Variants in FBLN1 observed in about 807,000 individuals in gnomAD.
FBLN1 encodes the protein fibulin 1.
FBLN1 carries 34 observed loss-of-function variants against 89.7 expected under a neutral mutation model. That is an observed-to-expected ratio of 0.38 (90% CI 0.29 to 0.50). FBLN1 has a LOEUF of 0.50. FBLN1 is among the 20% of genes least tolerant of loss of function. The probability of loss-of-function intolerance (pLI) is 0.92; values close to 1 mark genes in which losing one functional copy is unlikely to be tolerated. For synonymous variants in FBLN1, 393 were observed against 391.3 expected (o/e 1.00, Z -0.05); for missense variants, 777 against 988.1 (o/e 0.79, Z 2.86).
Position 45,600,802 on chromosome 22 carries a change from C to T in FBLN1, c.*356C>T, listed in dbSNP as rs915131409. 9 of 349,154 alleles carry T rather than the reference C, an allele frequency of 2.6e-5. No individual in the cohort carries two copies. Among genetic ancestry groups the T allele is most frequent in the Non-Finnish European group, 3.8e-5 (7 of 185,362 alleles). The allele number at this position is 349,154 out of a possible 1,614,324, so 21.6% of individuals were successfully genotyped here. On this transcript the variant is annotated 3_prime_UTR_variant, in exon 17 of 17. Coordinates refer to ENST00000327858, the MANE Select transcript of FBLN1 (RefSeq NM_006486.3). ...ATGCCAAAAGAAGACCAGTTCTTGC[C>T]CTGATTGTATGAAATTTGACATTTT...
At chr22:45,571,354 T>C (rs946368217) in intron 14 of FBLN1, among the ~76,000 whole-genome samples, 4 of 152,228 alleles carry the variant, frequency 2.6e-5, no homozygotes, top group African/African-American at 7.2e-5. Context: ...TAAACTATTA[T>C]GACCATGCAA....
Position 45,543,542 on chromosome 22 carries a change from C to T in FBLN1, c.1321+16C>T, listed in dbSNP as rs778458730. On this transcript the variant is annotated intron_variant, in intron 11 of 16. Transcript: ENST00000327858. ...TCATGTGAAGGTGAGGCTGGGGCCC[C>T]GTCCACTCACCTCCCCCAGGTCACC... is the stretch of plus-strand genomic sequence containing the variant. 1.4e-5 allele frequency: 22 copies of T among 1,611,334 alleles called. No individual in the cohort carries two copies. Among genetic ancestry groups the T allele is most frequent in the African/African-American group, 2.7e-5 (2 of 74,882 alleles).
rs736767 is a variant in FBLN1, at chr22:45,563,979, G to A, written c.1698-10532G>A. ...TGAGGATCCTGGCCCTGTGCCGGGG[G>A]GAGGCAAAGGACCACACAATACATG... On this transcript the variant is annotated intron_variant, in intron 14 of 16. Coordinates refer to ENST00000327858, the MANE Select transcript of FBLN1 (RefSeq NM_006486.3). This position sits in a 1 kb window ranked among gnomAD's most constrained non-coding sequence, Gnocchi z 5.7. Among the ~76,000 whole-genome samples, 1 of 152,106 alleles carries A rather than the reference G, an allele frequency of 6.6e-6. No homozygotes were observed. Among genetic ancestry groups the A allele is most frequent in the Admixed American group, 6.5e-5 (1 of 15,282 alleles).
At chr22:45,554,104 G>A (rs1369948837) in intron 14 of FBLN1, among the ~76,000 whole-genome samples, 1 of 152,256 alleles carries the variant, frequency 6.6e-6, no homozygotes, top group South Asian at 2.1e-4. Context: ...CTATCAGCAA[G>A]TTCTGCATCC....
chr22:45,594,777 G>A (rs1486596893), intron 16 of FBLN1, among the ~76,000 whole-genome samples: 1 of 151,740 alleles, frequency 6.6e-6, no homozygotes, highest in Non-Finnish European at 1.5e-5. Context: ...TGAGCAGATG[G>A]TTGGGTTGAT....
In FBLN1 at chr22:45,559,001, G is replaced by T. The variant is rs1033211570; in HGVS notation, c.1697+8386G>T. ...CTTGCAGAAGCGAAATGCGATCAAG[G>T]TCTCTCCGAATAAGATTATGACATG... is the stretch of plus-strand genomic sequence containing the variant. On this transcript the variant is annotated intron_variant, in intron 14 of 16. Coordinates refer to ENST00000327858, the MANE Select transcript of FBLN1 (RefSeq NM_006486.3). 5.3e-5 allele frequency among the ~76,000 whole-genome samples: 8 copies of T among 152,310 alleles called. No individual in the cohort carries two copies. The East Asian group carries it at 7.7e-4, about 15-fold the overall frequency.
At chr22:45,587,273 AGAGACGTCCT>A (rs1358951639) in intron 16 of FBLN1, among the ~76,000 whole-genome samples, 4 of 148,784 alleles carry the variant, frequency 2.7e-5, no homozygotes, top group African/African-American at 7.5e-5. Flanking sequence ...GCCCGGCCAG[AGAGACGTCCT>A]CAGCCCAGAG....
At chr22:45,565,312 C>T in intron 14 of FBLN1, 1 of 1,267,750 alleles carries the variant, frequency 7.9e-7, no homozygotes, top group Non-Finnish European at 1.0e-6. Context: ...CTGATCTGGC[C>T]TCTGCCCACC....
chr22:45,595,427 T>C (rs183150005), intron 16 of FBLN1, among the ~76,000 whole-genome samples: 2 of 152,318 alleles, frequency 1.3e-5, no homozygotes, highest in African/African-American at 4.8e-5. Context: ...GCAAAGAACC[T>C]GAGAAAATCC....
chr22:45,588,833 T>A lies in FBLN1; in HGVS notation c.1973-11474T>A, dbSNP rs147268442. Among the ~76,000 whole-genome samples the A allele has an allele frequency of 2.6e-3, 372 of 143,012 alleles. 2 individuals are homozygous for A. Among genetic ancestry groups the A allele is most frequent in the African/African-American group, 9.2e-3 (345 of 37,522 alleles). The allele number at this position is 143,012 out of a possible 152,430, so 93.8% of individuals were successfully genotyped here. A position where few individuals can be genotyped will look rare whatever the true frequency, so the allele number is the denominator to read the frequency against. ...ATTAGCAAAAAAAAAAAAAAAGGAATGACGATGATATGAATCTTTTGGCGG... is the reference window on the plus strand; with the variant it reads ...ATTAGCAAAAAAAAAAAAAAAGGAAAGACGATGATATGAATCTTTTGGCGG... On this transcript the variant is annotated intron_variant, in intron 16 of 16. Coordinates refer to ENST00000327858, the MANE Select transcript of FBLN1 (RefSeq NM_006486.3). This position sits in a 1 kb window ranked among gnomAD's most constrained non-coding sequence, Gnocchi z 5.1.
intron 2 of FBLN1, 81 bp from the exon 3 acceptor site, chr22:45,525,462 A>T: frequency 7.7e-7 from 1 of 1,302,158 alleles, no homozygotes; most frequent in Non-Finnish European, 1.1e-6. Flanking sequence ...CTCAAAGGTG[A>T]GAGCACCCCC....
intron 2 of FBLN1, among the ~76,000 whole-genome samples, chr22:45,522,791 G>C (rs535751740): frequency 6.6e-6 from 1 of 152,348 alleles, no homozygotes; most frequent in Admixed American, 6.5e-5. Flanking sequence ...GACACATCCA[G>C]TGAAACCTAA....
chr22:45,566,086 CCT>C, intron 14 of FBLN1: 1 of 152,502 alleles, frequency 6.6e-6, no homozygotes, highest in East Asian at 1.9e-4. Flanking sequence ...AAAATTGTCT[CCT>C]CTGTTTAGCC....
At chr22:45,587,668 C>T (rs1267721667) in intron 16 of FBLN1, among the ~76,000 whole-genome samples, 6 of 152,296 alleles carry the variant, frequency 3.9e-5, no homozygotes, top group Admixed American at 6.5e-5. Flanking sequence ...TCTGCAGAGC[C>T]GCTTGCATCT....
At chr22:45,546,994 AGAG>A (rs576733050) in intron 11 of FBLN1, 88 bp from the exon 12 acceptor site, 452 of 1,589,812 alleles carry the variant, frequency 2.8e-4, no homozygotes, top group East Asian at 4.5e-4. Flanking sequence ...AGGGAGGTGG[AGAG>A]GAGATTTTCT....
rs139206212 is a variant in FBLN1 at position 45,536,614 on chromosome 22, A to T, written c.922+1277A>T. Among the ~76,000 whole-genome samples the T allele has an allele frequency of 8.1e-3, 1,229 of 151,992 alleles. 21 individuals carry two copies. The highest frequency in any genetic ancestry group is 0.029 in the African/African-American group (1,183 of 41,428). The stretch of plus-strand genomic sequence containing the variant: ...ACCCCATCTCTACTAAAAATACAAA[A>T]ATTAGCTGGGCGTAGTGATGGGCGC... On this transcript the variant is annotated intron_variant, in intron 8 of 16. Coordinates refer to ENST00000327858, the MANE Select transcript of FBLN1 (RefSeq NM_006486.3). This position sits in a 1 kb window ranked among gnomAD's most constrained non-coding sequence, Gnocchi z 5.1.
rs778458224 is a variant in FBLN1 at position 45,532,696 on chromosome 22, G to A, written c.545-367G>A. Among the ~76,000 whole-genome samples the A allele has an allele frequency of 4.1e-4, 62 of 152,144 alleles. 1 individual carries two copies. Among genetic ancestry groups the A allele is most frequent in the Admixed American group, 8.5e-4 (13 of 15,282 alleles). ...CAGCTCGAGAGTTCAGTGAGGAGCA[G>A]GTACATGAGGCCTAGTTGGGGCCTG... On this transcript the variant is annotated intron_variant, in intron 5 of 16. Transcript: ENST00000327858. This position sits in a 1 kb window ranked among gnomAD's most constrained non-coding sequence, Gnocchi z 4.2.
chr22:45,568,843 T>G (rs1569260463), intron 14 of FBLN1, among the ~76,000 whole-genome samples: 1 of 151,904 alleles, frequency 6.6e-6, no homozygotes, highest in Non-Finnish European at 1.5e-5. Context: ...ATGCCTCTTC[T>G]GTGGGAGAAT....
chr22:45,585,130 C>T (rs1324685730), intron 16 of FBLN1, among the ~76,000 whole-genome samples: 3 of 152,246 alleles, frequency 2.0e-5, no homozygotes, highest in East Asian at 3.9e-4. Context: ...AGAGAAGTGG[C>T]GTGTGGCAGG....
Sources: gnomAD v4.1 joint callset for allele counts (sites outside exome capture counted in the v4.1 genomes callset) on GRCh38, gnomAD v4.1.1 for gene constraint, Gnocchi (gnomAD v3.1) non-coding constraint, MANE v1.5 for transcripts, NCBI Gene and HGNC (gene_info 2026-07-23, HGNC 2026-07-21) for gene names.